Variants in CNTN4 observed in about 807,000 individuals in gnomAD.
CNTN4 encodes contactin 4.
CNTN4 carries 77 observed loss-of-function variants against 122.5 expected under a neutral mutation model. The ratio of observed to expected loss-of-function variants is 0.63; its 90% CI spans 0.52 to 0.76. The LOEUF (loss-of-function observed/expected upper bound fraction) is 0.76, where lower values mean the gene tolerates loss of function less well. Ranked by LOEUF, CNTN4 falls within the 30% of genes least tolerant of loss-of-function variation. The pLI, the probability that CNTN4 is intolerant of heterozygous loss-of-function variation, is 0.00. For synonymous variants in CNTN4, 512 were observed against 447.0 expected (o/e 1.15, Z -1.83); for missense variants, 1,256 against 1,259.1 (o/e 1.00, Z 0.04).
chr3:2,513,708 T>C (rs1451965341), intron 3 of CNTN4, among the ~76,000 whole-genome samples: 1 of 152,200 alleles, frequency 6.6e-6, no homozygotes, highest in Admixed American at 6.5e-5. Context: ...GTAGTTTGCT[T>C]CTATTACTTT....
intron 3 of CNTN4, among the ~76,000 whole-genome samples, chr3:2,411,315 A>G (rs1390996533): frequency 6.6e-6 from 1 of 152,242 alleles, no homozygotes; most frequent in African/African-American, 2.4e-5. Context: ...CTGCACATGT[A>G]TCCCAGAACT....
At chr3:2,653,253 C>T (rs1180432225) in intron 4 of CNTN4, among the ~76,000 whole-genome samples, 2 of 152,004 alleles carry the variant, frequency 1.3e-5, no homozygotes, top group Non-Finnish European at 2.9e-5. Flanking sequence ...AGTTATATTA[C>T]ATTTCAACAT....
rs1210624220 is a variant in CNTN4 at position 2,736,270 on chromosome 3, C to T, written c.111C>T (p.Phe37=). 1 of 1,613,398 alleles carries T rather than the reference C, an allele frequency of 6.2e-7. No homozygotes were observed. The highest frequency in any genetic ancestry group is 8.5e-7 in the Non-Finnish European group (1 of 1,179,556). ...TTCAAGAACCAAGTCCTGTAATGTT[C>T]CCTTTGGATTCTGAGGAGAAAAAAG... ...IFIQEPSPVM[F]PLDSEEKKVK... Residue 37 remains phenylalanine (F), a synonymous_variant, in exon 5 of 25, where the codon TTC becomes TTT. Coordinates refer to ENST00000418658, the MANE Select transcript of CNTN4 (RefSeq NM_175607.3).
At chr3:2,290,610 A>G (rs1003342407) in intron 2 of CNTN4, among the ~76,000 whole-genome samples, 1 of 152,226 alleles carries the variant, frequency 6.6e-6, no homozygotes, top group Admixed American at 6.5e-5. Flanking sequence ...TGAAATCACA[A>G]TTGTCAAATC....
At chr3:2,218,415 G>A (rs1042658186) in intron 2 of CNTN4, among the ~76,000 whole-genome samples, 3 of 152,166 alleles carry the variant, frequency 2.0e-5, no homozygotes, top group Non-Finnish European at 4.4e-5. Context: ...AGCTACTCGG[G>A]AGGCTGAAGG....
chr3:2,925,932 G>T (rs2094469434), intron 13 of CNTN4, among the ~76,000 whole-genome samples, 153 bp downstream of exon 13: 1 of 152,206 alleles, frequency 6.6e-6, no homozygotes, highest in Admixed American at 6.5e-5. Flanking sequence ...TGAGTGGTAA[G>T]TTATTGATCT....
chr3:2,692,097 C>CTTAA (rs1553612483), intron 4 of CNTN4, among the ~76,000 whole-genome samples: 2 of 151,802 alleles, frequency 1.3e-5, no homozygotes, highest in East Asian at 1.9e-4. Context: ...ATCTCAGATT[C>CTTAA]TTAAACTTAA....
chr3:2,497,319 G>C (rs2076479074), intron 3 of CNTN4, among the ~76,000 whole-genome samples: 1 of 152,118 alleles, frequency 6.6e-6, no homozygotes, highest in Non-Finnish European at 1.5e-5. Flanking sequence ...TAAGATTACT[G>C]TGAACTGGCC....
At chr3:2,143,394 T>G (rs2035095460) in intron 2 of CNTN4, among the ~76,000 whole-genome samples, 2 of 152,242 alleles carry the variant, frequency 1.3e-5, no homozygotes, top group African/African-American at 4.8e-5. Flanking sequence ...CATTTTCTTG[T>G]TTAATTTTCA....
intron 3 of CNTN4, among the ~76,000 whole-genome samples, chr3:2,555,567 A>G (rs1156637137): frequency 6.6e-6 from 1 of 152,324 alleles, no homozygotes; most frequent in Non-Finnish European, 1.5e-5. Flanking sequence ...AACTGTTATT[A>G]TGAAATCAGA....
At chr3:2,332,779 A>G (rs1329183916) in intron 2 of CNTN4, among the ~76,000 whole-genome samples, 1 of 151,172 alleles carries the variant, frequency 6.6e-6, no homozygotes, top group Non-Finnish European at 1.5e-5. Context: ...CCTAATGCTA[A>G]ATGAGGACTT....
chr3:2,778,070 C>T lies in CNTN4; in HGVS notation c.358+32373C>T, dbSNP rs551502758. Among the ~76,000 whole-genome samples the T allele has an allele frequency of 5.3e-4, 79 of 148,422 alleles. 2 individuals are homozygous for T. Among genetic ancestry groups the T allele is most frequent in the Middle Eastern group, 3.4e-3 (1 of 292 alleles). On this transcript the variant is annotated intron_variant, in intron 6 of 24. Coordinates refer to ENST00000418658, the MANE Select transcript of CNTN4 (RefSeq NM_175607.3). ...TCTACTAAAAATACAAAAAATTAGC[C>T]GGGCGTGGTGGCGGGCGCCTGTAGT...
chr3:2,914,001 G>T (rs961282909), intron 12 of CNTN4, among the ~76,000 whole-genome samples: 4 of 152,094 alleles, frequency 2.6e-5, no homozygotes, highest in African/African-American at 9.7e-5. Context: ...GATAGCAGAG[G>T]AAAAACGGGA....
chr3:2,388,599 A>G (rs1254290807), intron 3 of CNTN4, among the ~76,000 whole-genome samples: 1 of 152,154 alleles, frequency 6.6e-6, no homozygotes, highest in Non-Finnish European at 1.5e-5. Context: ...AATCACAGCA[A>G]TTTGGGAGGC....
intron 3 of CNTN4, among the ~76,000 whole-genome samples, chr3:2,411,257 A>G (rs2047216880): frequency 3.3e-5 from 5 of 152,178 alleles, no homozygotes; most frequent in Admixed American, 3.3e-4. Flanking sequence ...TGATAGGTGC[A>G]GCAAACCACC....
At chr3:2,969,120 C>T (rs540710532) in intron 13 of CNTN4, among the ~76,000 whole-genome samples, 16 of 152,266 alleles carry the variant, frequency 1.1e-4, no homozygotes, top group South Asian at 2.1e-4. Context: ...TGCTGACTCA[C>T]GTATCTGAAA....
At position 2,732,502 on chromosome 3, in the gene CNTN4, AT is replaced by A. The variant is rs766362984; in HGVS notation, c.56-3712del. Among the ~76,000 whole-genome samples, 48 of 141,528 alleles carry A rather than the reference AT, an allele frequency of 3.4e-4. No individual in the cohort carries two copies. The East Asian group carries it at 8.2e-3, about 24-fold the overall frequency. The allele number at this position is 141,528 out of a possible 152,430, so 92.8% of individuals were successfully genotyped here. On this transcript the variant is annotated intron_variant, in intron 4 of 24. Coordinates refer to ENST00000418658, the MANE Select transcript of CNTN4 (RefSeq NM_175607.3). ...TGGTTACATAGAACAACTTACTGTG[AT>A]AAAAAAAAAAAAAAGATGAACTTTA...
chr3:2,137,079 C>T (rs913080387), intron 2 of CNTN4, among the ~76,000 whole-genome samples: 2 of 152,086 alleles, frequency 1.3e-5, no homozygotes, highest in East Asian at 3.8e-4. Context: ...TCAAAATAAT[C>T]GTGTAGATCA....
intron 4 of CNTN4, among the ~76,000 whole-genome samples, chr3:2,637,072 G>C (rs535604826): frequency 6.6e-6 from 1 of 151,238 alleles, no homozygotes; most frequent in African/African-American, 2.4e-5. Flanking sequence ...CTCCCTAGTA[G>C]CTGGATCTAC....
Sources: gnomAD v4.1 joint callset for allele counts (sites outside exome capture counted in the v4.1 genomes callset) on GRCh38, gnomAD v4.1.1 for gene constraint, MANE v1.5 for transcripts, NCBI Gene and HGNC (gene_info 2026-07-23, HGNC 2026-07-21) for gene names.